SDC4: variants seen among roughly 807,000 people sequenced by gnomAD.
SDC4 encodes the protein syndecan 4.
SDC4 carries 17 observed loss-of-function variants against 20.5 expected under a neutral mutation model. That is an observed-to-expected ratio of 0.83 (90% CI 0.57 to 1.25). SDC4 has a LOEUF of 1.25. Ranked by LOEUF, SDC4 falls within the 50% of genes most tolerant of loss-of-function variation. SDC4 has a pLI of 0.00. For missense variants in SDC4, 241 were observed against 252.3 expected, an observed-to-expected ratio of 0.96 and a Z score of 0.30; for synonymous variants, 107 against 105.3, an observed-to-expected ratio of 1.02 and a Z score of -0.10.
At chr20:45,336,430 G>C (rs2072790) in intron 1 of SDC4, among the ~76,000 whole-genome samples, 111,558 of 152,116 alleles carry the variant, frequency 0.73, 41,186 homozygotes, top group East Asian at 0.95. Flanking sequence ...AATAAAAACA[G>C]TAAATGAGGT....
chr20:45,333,173 G>T, intron 2 of SDC4, 104 bp from the exon 3 acceptor site: 1 of 1,068,810 alleles, frequency 9.4e-7, no homozygotes, highest in Non-Finnish European at 1.4e-6. Context: ...GCTTCCAAAT[G>T]CTCAATGTCC....
intron 1 of SDC4, among the ~76,000 whole-genome samples, chr20:45,337,320 A>G (rs6017546): frequency 0.07 from 10,694 of 152,198 alleles, 1,292 homozygotes; most frequent in African/African-American, 0.24. Context: ...TTTTTCATTA[A>G]GTTCAATACA....
At chr20:45,344,202 G>A (rs977619677) in intron 1 of SDC4, among the ~76,000 whole-genome samples, 1 of 152,166 alleles carries the variant, frequency 6.6e-6, no homozygotes, top group Non-Finnish European at 1.5e-5. Flanking sequence ...CAATTTTGAG[G>A]ACTGGCTGCA....
intron 4 of SDC4, 33 bp from the exon 5 acceptor site, chr20:45,327,448 A>T: frequency 1.2e-6 from 2 of 1,603,310 alleles, no homozygotes; most frequent in Non-Finnish European, 1.7e-6. Flanking sequence ...GGCGGGGGTG[A>T]GAGCTCCTCA....
At chr20:45,337,794 G>A (rs537535511) in intron 1 of SDC4, among the ~76,000 whole-genome samples, 2 of 152,200 alleles carry the variant, frequency 1.3e-5, no homozygotes, top group Non-Finnish European at 2.9e-5. Context: ...GGAAGGGAGC[G>A]GGGTCAGGCC....
At chr20:45,330,103 A>C (rs2070641) in intron 4 of SDC4, among the ~76,000 whole-genome samples, 1 of 152,084 alleles carries the variant, frequency 6.6e-6, no homozygotes, top group Non-Finnish European at 1.5e-5. Flanking sequence ...TAAATGAGAA[A>C]GACTTAAGGC....
chr20:45,347,811 C>A (rs551677825), intron 1 of SDC4, among the ~76,000 whole-genome samples: 1 of 152,304 alleles, frequency 6.6e-6, no homozygotes, highest in East Asian at 1.9e-4. Context: ...AATGACAGAG[C>A]TGGGGCCAGA....
At chr20:45,333,136 A>T in intron 2 of SDC4, 67 bp from the exon 3 acceptor site, 1 of 1,451,330 alleles carries the variant, frequency 6.9e-7, no homozygotes, top group African/African-American at 1.4e-5. Context: ...TTCAGCCAGG[A>T]CTGGTGGGAG....
Position 45,348,226 on chromosome 20 carries a change from C to G in SDC4, c.60+99G>C, listed in dbSNP as rs965515870. On this transcript the variant is annotated intron_variant, in intron 1 of 4. Transcript: ENST00000372733. ...CGGTGTCCGGTTGGGGGTAGCGTAC[C>G]CCCGATCTGCCCCCCCCCATCCCAC... 2.8e-6 allele frequency: 3 copies of G among 1,072,472 alleles called. No homozygotes were observed. The African/African-American group carries it at 5.8e-5, about 21-fold the overall frequency. 66.4% of individuals were successfully genotyped at this position (1,072,472 alleles called of 1,614,324 possible). A position where few individuals can be genotyped will look rare whatever the true frequency, so the allele number is the denominator to read the frequency against.
At chr20:45,336,460 T>C (rs776964785) in intron 1 of SDC4, among the ~76,000 whole-genome samples, 2 of 152,232 alleles carry the variant, frequency 1.3e-5, no homozygotes, top group African/African-American at 4.8e-5. Flanking sequence ...ATTATTAATA[T>C]GGCTAGATAT....
chr20:45,334,342 A>C (rs1987828736), intron 2 of SDC4, among the ~76,000 whole-genome samples: 1 of 151,860 alleles, frequency 6.6e-6, no homozygotes, highest in South Asian at 2.1e-4. Context: ...ACTTTTGAGA[A>C]AGAAAACTCT....
At position 45,348,331 on chromosome 20, in the gene SDC4, G is replaced by A. The variant is rs1408090326; in HGVS notation, c.54C>T (p.Ala18=). 1.3e-6 allele frequency: 2 copies of A among 1,586,488 alleles called. No individual in the cohort carries two copies. Among genetic ancestry groups the A allele is most frequent in the South Asian group, 2.3e-5 (2 of 87,156 alleles). ...ALLLFFVGGV[A]ESIRETEVID... is the part of the protein sequence containing the mutation. ...GGAACCTCCAAGCACCCACCGACTC[G>A]GCGACTCCGCCTACGAAGAACAGCA... Residue 18 remains alanine (A), a synonymous_variant, in exon 1 of 5, where the codon GCC becomes GCT. Transcript: ENST00000372733.
chr20:45,348,195 G>C (rs951626952), intron 1 of SDC4, 130 bp downstream of exon 1: 1 of 900,654 alleles, frequency 1.1e-6, no homozygotes. Context: ...AAAGTTTCCC[G>C]GGCCTCGGTG....
intron 2 of SDC4, among the ~76,000 whole-genome samples, chr20:45,334,821 C>T (rs558253394): frequency 1.6e-4 from 25 of 152,230 alleles, no homozygotes; most frequent in African/African-American, 4.8e-4. Flanking sequence ...CAAACACACA[C>T]GTACTGAGTG....
intron 1 of SDC4, among the ~76,000 whole-genome samples, chr20:45,341,347 G>C (rs1007280397): frequency 6.6e-6 from 1 of 152,186 alleles, no homozygotes; most frequent in African/African-American, 2.4e-5. Flanking sequence ...TCTGAGCCCA[G>C]AGACTTTTCA....
chr20:45,347,439 GCTT>G (rs1349556511), intron 1 of SDC4, among the ~76,000 whole-genome samples: 1 of 152,088 alleles, frequency 6.6e-6, no homozygotes, highest in African/African-American at 2.4e-5. Flanking sequence ...CATGGATAGA[GCTT>G]CTGCTGGCCC....
intron 3 of SDC4, among the ~76,000 whole-genome samples, chr20:45,332,706 C>A (rs1646068597): frequency 6.6e-6 from 1 of 151,904 alleles, no homozygotes; most frequent in Non-Finnish European, 1.5e-5. Flanking sequence ...GCCATTCTCC[C>A]ACCTCAGCCT....
chr20:45,335,659 GA>G (rs1987851092), intron 2 of SDC4, 122 bp downstream of exon 2: 1 of 993,814 alleles, frequency 1.0e-6, no homozygotes, highest in Non-Finnish European at 1.5e-6. Flanking sequence ...TGAGAAGGAA[GA>G]AGGGCACTCT....
intron 1 of SDC4, 102 bp downstream of exon 1, chr20:45,348,223 T>TA: frequency 9.7e-7 from 1 of 1,031,232 alleles, no homozygotes; most frequent in Non-Finnish European, 1.4e-6. Context: ...GGGGGTAGCG[T>TA]ACCCCCGATC....
Sources: allele counts gnomAD v4.1 joint callset (sites outside exome capture counted in the v4.1 genomes callset), GRCh38; gene constraint gnomAD v4.1.1; transcripts MANE v1.5; gene names NCBI Gene and HGNC (gene_info 2026-07-23, HGNC 2026-07-21).